Variants in CCDC187 observed in about 807,000 individuals in gnomAD.
The protein encoded by CCDC187 is coiled-coil domain containing 187.
A neutral mutation model predicts 38.0 loss-of-function variants in CCDC187; 32 were observed. That is an observed-to-expected ratio of 0.84 (90% confidence interval 0.64 to 1.13). CCDC187 has a LOEUF of 1.13. CCDC187 is among the 50% of genes most tolerant of loss of function. The pLI is 0.00. For synonymous variants in CCDC187, 333 were observed against 347.9 expected (o/e 0.96, Z 0.48); for missense variants, 707 against 786.8 (o/e 0.90, Z 1.21).
At chr9:136,280,533 C>G (rs1401612553) in intron 10 of CCDC187, among the ~76,000 whole-genome samples, 2 of 152,228 alleles carry the variant, frequency 1.3e-5, no homozygotes, top group Non-Finnish European at 2.9e-5. Context: ...CACACACACA[C>G]AGGACCCTCT....
chr9:136,268,175 C>T (rs781846559), intron 14 of CCDC187, 50 bp from the exon 15 acceptor site: 25 of 976,052 alleles, frequency 2.6e-5, no homozygotes, highest in South Asian at 4.7e-5. Context: ...CTGAGTGCCC[C>T]GTGTCAGGGG....
chr9:136,253,639 C>T lies in CCDC187; in HGVS notation c.6189G>A (p.Pro2063=), dbSNP rs968692877. 5.1e-5 allele frequency: 50 copies of T among 985,436 alleles called. No homozygotes were observed. The highest frequency in any genetic ancestry group is 1.8e-4 in the Admixed American group (3 of 16,276). 61.0% of individuals were successfully genotyped at this position (985,436 alleles called of 1,614,324 possible). A position where few individuals can be genotyped will look rare whatever the true frequency, so the allele number is the denominator to read the frequency against. The stretch of plus-strand genomic sequence containing the variant: ...CCTGGGGCCCAGGAAACAGTCCCTC[C>T]GGCAGACTCTCCTCAGACAAGGAGG... The part of the protein sequence containing the change: ...DLSSLSEESL[P]EGLFPGPQGS... Residue 2063 remains proline, a synonymous_variant, in exon 26 of 26, where the codon CCG becomes CCA. Transcript: ENST00000638797.
chr9:136,283,585 G>C (rs1005441787), intron 9 of CCDC187, among the ~76,000 whole-genome samples: 1 of 152,182 alleles, frequency 6.6e-6, no homozygotes, highest in Non-Finnish European at 1.5e-5. Flanking sequence ...CTGCCGCCTC[G>C]GCAGGGCTGT....
chr9:136,289,518 C>CAAAAA (rs878962393), intron 7 of CCDC187, among the ~76,000 whole-genome samples: 95 of 67,102 alleles, frequency 1.4e-3, no homozygotes, highest in Non-Finnish European at 1.8e-3. Context: ...AACTCCATCT[C>CAAAAA]AAAAAAAAAA....
chr9:136,281,115 C>A (rs1043094824), intron 10 of CCDC187: 5,629 of 287,364 alleles, frequency 0.02, 84 homozygotes, highest in Non-Finnish European at 0.023. Context: ...CACGCCAGCA[C>A]GAGGCCCTCA....
At chr9:136,302,528 G>A (rs1253677304) in intron 2 of CCDC187, among the ~76,000 whole-genome samples, 1 of 152,206 alleles carries the variant, frequency 6.6e-6, no homozygotes, top group Non-Finnish European at 1.5e-5. Flanking sequence ...CAGACTCTAG[G>A]TCCAGGGACC....
Position 136,258,130 on chromosome 9 carries a change from G to A in CCDC187, c.4366+802C>T, listed in dbSNP as rs1046895375. Among the ~76,000 whole-genome samples, 8 of 152,156 alleles carry A rather than the reference G, an allele frequency of 5.3e-5. No homozygotes were observed. The highest frequency in any genetic ancestry group is 1.7e-4 in the African/African-American group (7 of 41,426). ...TGAACAGCGCAGGCCCGGAGGTGAC[G>A]CGGGACACAGAGGGAAAGCGCTCTG... On this transcript the variant is annotated intron_variant, in intron 22 of 25. Coordinates refer to ENST00000638797, the MANE Select transcript of CCDC187 (RefSeq NM_001378188.1). This position sits in a 1 kb window ranked among gnomAD's most constrained non-coding sequence, Gnocchi z 4.3.
intron 9 of CCDC187, among the ~76,000 whole-genome samples, chr9:136,282,756 A>G (rs1831076107): frequency 6.6e-6 from 1 of 152,008 alleles, no homozygotes; most frequent in Non-Finnish European, 1.5e-5. Context: ...GTGGTGACCC[A>G]CCTCCCAACC....
chr9:136,293,400 CACA>C (rs1831414762), intron 4 of CCDC187, among the ~76,000 whole-genome samples: 1 of 72,058 alleles, frequency 1.4e-5, no homozygotes, highest in Non-Finnish European at 3.2e-5. Context: ...CTCACACACT[CACA>C]AACACTCACA....
intron 9 of CCDC187, among the ~76,000 whole-genome samples, chr9:136,283,315 G>A (rs987727226): frequency 1.6e-4 from 25 of 152,354 alleles, no homozygotes; most frequent in Admixed American, 2.6e-4. Context: ...TGGGGCACCC[G>A]AGAGGCTCAG....
chr9:136,271,210 T>C (rs1038976279), intron 14 of CCDC187, among the ~76,000 whole-genome samples: 10 of 152,186 alleles, frequency 6.6e-5, no homozygotes, highest in Non-Finnish European at 2.9e-5. Context: ...GGTCGAAGAA[T>C]CTCAACAAAC....
At chr9:136,300,129 T>C (rs1365060674) in intron 3 of CCDC187, 91 bp downstream of exon 3, 8 of 396,744 alleles carry the variant, frequency 2.0e-5, no homozygotes, top group Non-Finnish European at 3.6e-5. Context: ...TCAGTGTCTT[T>C]GTCTGTGAGG....
intron 9 of CCDC187, among the ~76,000 whole-genome samples, chr9:136,283,694 C>T (rs1831102039): frequency 6.6e-6 from 1 of 152,238 alleles, no homozygotes. Flanking sequence ...TCTGGCTGCA[C>T]CCAGGCTGTG....
intron 21 of CCDC187, 56 bp downstream of exon 21, chr9:136,259,307 G>GT (rs1446919806): frequency 1.4e-6 from 1 of 728,956 alleles, no homozygotes; most frequent in Non-Finnish European, 1.7e-6. Flanking sequence ...TGTTGGGGGG[G>GT]GGTGGTCCCT....
chr9:136,259,085 G>T, intron 21 of CCDC187, 84 bp from the exon 22 acceptor site: 1 of 947,602 alleles, frequency 1.1e-6, no homozygotes, highest in Non-Finnish European at 1.3e-6. Context: ...GATGGATGGG[G>T]ACAGATGGGG....
chr9:136,289,848 C>A (rs917201064), intron 7 of CCDC187, 111 bp downstream of exon 7: 62 of 395,032 alleles, frequency 1.6e-4, no homozygotes, highest in Middle Eastern at 1.3e-3. Flanking sequence ...ACCTGAGGAG[C>A]CTCTCGGTCA....
Position 136,253,919 on chromosome 9 carries a change from G to C in CCDC187, c.5909C>G (p.Thr1970Ser). ...APGPGGNGAP[T>S]VLEEACPLLA... The stretch of plus-strand genomic sequence containing the variant: ...TAGGGGACAGGCTTCCTCCAGGACA[G>C]TGGGGGCCCCATTCCCACCAGGCCC... Residue 1970 changes from threonine to serine, a missense_variant, in exon 26 of 26, where the codon ACT (threonine) becomes AGT (serine). Coordinates refer to ENST00000638797, the MANE Select transcript of CCDC187 (RefSeq NM_001378188.1). 7 of 985,594 alleles carry C rather than the reference G, an allele frequency of 7.1e-6. No individual in the cohort carries two copies. The highest frequency in any genetic ancestry group is 8.4e-6 in the Non-Finnish European group (7 of 830,066). 61.1% of individuals were successfully genotyped at this position (985,594 alleles called of 1,614,324 possible).
chr9:136,257,204 C>G lies in CCDC187; in HGVS notation c.4367-363G>C. ...CCTGGCCAATGTAGTGAAACCCCGT[C>G]TCTACTAAAAATACAAAAATTAGGC... On this transcript the variant is annotated intron_variant, in intron 22 of 25. Coordinates refer to ENST00000638797, the MANE Select transcript of CCDC187 (RefSeq NM_001378188.1). The surrounding 1 kb of genome is among the most constrained non-coding windows in gnomAD (Gnocchi z 4.5). Among the ~76,000 whole-genome samples the G allele has an allele frequency of 6.6e-6, 1 of 152,148 alleles. No homozygotes were observed. Among genetic ancestry groups the G allele is most frequent in the Admixed American group, 6.5e-5 (1 of 15,276 alleles).
Position 136,300,311 on chromosome 9 carries a change from G to A in CCDC187, c.633C>T (p.Ser211=). ...CTCTGCGCTCAGCTGCACTCAAGAT[G>A]CTGAAACCTGGAACAGGGTGAAAAG... ...PPPAPECSGF[S]ILSAAERRVE... Residue 211 remains serine, a synonymous_variant, in exon 3 of 26, where the codon AGC becomes AGT. Coordinates refer to ENST00000638797, the MANE Select transcript of CCDC187 (RefSeq NM_001378188.1). 1 of 398,630 alleles carries A rather than the reference G, an allele frequency of 2.5e-6. No individual in the cohort carries two copies. The highest frequency in any genetic ancestry group is 4.4e-6 in the Non-Finnish European group (1 of 226,074). 24.7% of individuals were successfully genotyped at this position (398,630 alleles called of 1,614,324 possible).
Sources: gnomAD v4.1 joint callset for allele counts (sites outside exome capture counted in the v4.1 genomes callset) on GRCh38, gnomAD v4.1.1 for gene constraint, Gnocchi (gnomAD v3.1) non-coding constraint, MANE v1.5 for transcripts, NCBI Gene and HGNC (gene_info 2026-07-23, HGNC 2026-07-21) for gene names.